Variants in SLC26A8 observed in about 807,000 individuals in gnomAD.
SLC26A8 encodes testis anion transporter 1.
SLC26A8 carries 70 observed loss-of-function variants against 105.0 expected under a neutral mutation model. The observed-to-expected ratio is 0.67, with a 90% CI of 0.55 to 0.81. The LOEUF (loss-of-function observed/expected upper bound fraction) is 0.81. Among genes scored for constraint, SLC26A8 ranks in the 40% least tolerant of loss-of-function variants. The pLI is 0.00. For missense variants in SLC26A8, 998 were observed against 1,181.8 expected, an observed-to-expected ratio of 0.84 and a Z score of 2.28; for synonymous variants, 415 against 438.3, an observed-to-expected ratio of 0.95 and a Z score of 0.66.
rs1330855990 is a variant in SLC26A8, at chr6:35,959,591, C to T, written c.1732G>A (p.Val578Ile). The T allele has an allele frequency of 6.2e-7, 1 of 1,612,020 alleles. No individual in the cohort carries two copies. The highest frequency in any genetic ancestry group is 1.3e-5 in the African/African-American group (1 of 74,706). ...YYLKHKLLKE[V>I]DMVKVPLKEE... is the part of the protein sequence containing the mutation. ...TTAAGAGGCACCTTTACCATATCAACCTGAAAGACATGAGAGGTCTCATCC... is the reference window on the plus strand; with the variant it reads ...TTAAGAGGCACCTTTACCATATCAATCTGAAAGACATGAGAGGTCTCATCC... Residue 578 changes from valine (V) to isoleucine (I), a missense_variant and splice_region_variant, in exon 16 of 20, where the codon GTT becomes ATT. Physicochemically the swap from Val to Ile is conservative, Grantham distance 29 (BLOSUM62 3). Coordinates refer to ENST00000490799, the MANE Select transcript of SLC26A8 (RefSeq NM_052961.4).
At chr6:36,016,839 A>G (rs939288333) in intron 2 of SLC26A8, among the ~76,000 whole-genome samples, 12 of 152,204 alleles carry the variant, frequency 7.9e-5, no homozygotes, top group Admixed American at 1.3e-4. Flanking sequence ...TTTAAAAGCT[A>G]AAACTATAAA....
intron 7 of SLC26A8, among the ~76,000 whole-genome samples, chr6:35,988,593 C>A (rs1404599040): frequency 6.6e-6 from 1 of 151,888 alleles, no homozygotes; most frequent in African/African-American, 2.4e-5. Flanking sequence ...CGAGATCATG[C>A]CACTGCACTC....
chr6:35,959,843 A>G (rs1158186877), intron 14 of SLC26A8, 37 bp from the exon 15 acceptor site: 3 of 1,436,302 alleles, frequency 2.1e-6, no homozygotes, highest in African/African-American at 2.8e-5. Flanking sequence ...GAAATTTCTC[A>G]GTTATTTTAT....
intron 2 of SLC26A8, among the ~76,000 whole-genome samples, chr6:36,015,742 G>C (rs190053275): frequency 7.4e-5 from 11 of 148,048 alleles, no homozygotes; most frequent in African/African-American, 2.9e-4. Flanking sequence ...TGAGAGGACT[G>C]GGGGGGATAT....
chr6:35,999,146 G>A (rs558047255), intron 4 of SLC26A8, among the ~76,000 whole-genome samples: 50 of 152,166 alleles, frequency 3.3e-4, no homozygotes, highest in Admixed American at 2.4e-3. Context: ...CACTTGCCTC[G>A]GCCTCCCAAA....
At chr6:35,951,682 G>C (rs751286863) in intron 17 of SLC26A8, among the ~76,000 whole-genome samples, 183 bp from the exon 18 acceptor site, 21 of 152,130 alleles carry the variant, frequency 1.4e-4, no homozygotes, top group Non-Finnish European at 2.8e-4. Context: ...AGGTTCAAGT[G>C]ATTTGTCCAC....
At chr6:35,999,958 A>T in intron 4 of SLC26A8, 34 bp downstream of exon 4, 2 of 1,395,278 alleles carry the variant, frequency 1.4e-6, no homozygotes, top group South Asian at 2.3e-5. Context: ...TGGAAACTTC[A>T]TCCACCGCAT....
At chr6:35,971,708 C>T (rs1177110101) in intron 10 of SLC26A8, among the ~76,000 whole-genome samples, 1 of 152,184 alleles carries the variant, frequency 6.6e-6, no homozygotes, top group Non-Finnish European at 1.5e-5. Context: ...CAGGTTCAAC[C>T]TCCCCTGACC....
Position 36,004,350 on chromosome 6 carries a change from A to G in SLC26A8, c.329-4242T>C, listed in dbSNP as rs369874784. ...CACAACCTCCCAAAGTGCTAGGATT[A>G]TAGGCATGAGCCATTGCACCTAAGC... On this transcript the variant is annotated intron_variant, in intron 3 of 19. Coordinates refer to ENST00000490799, the MANE Select transcript of SLC26A8 (RefSeq NM_052961.4). Among the ~76,000 whole-genome samples, 297 of 152,342 alleles carry G rather than the reference A, an allele frequency of 1.9e-3. 2 individuals are homozygous for G. Among genetic ancestry groups the G allele is most frequent in the African/African-American group, 6.9e-3 (285 of 41,586 alleles).
chr6:35,951,129 T>TC lies in SLC26A8; in HGVS notation c.2472+33dup, dbSNP rs775343668. The TC allele has an allele frequency of 6.3e-6, 10 of 1,582,832 alleles. No individual in the cohort carries two copies. The African/African-American group carries it at 1.4e-4, about 21-fold the overall frequency. On this transcript the variant is annotated intron_variant, in intron 19 of 19. Transcript: ENST00000490799. ...CATCCCCCCACTGCCCTCAATCCCT[T>TC]CCCCCAACCTCATGCTTTGTCGGTT...
At chr6:35,949,893 C>T (rs950792733) in intron 19 of SLC26A8, among the ~76,000 whole-genome samples, 2 of 151,904 alleles carry the variant, frequency 1.3e-5, no homozygotes, top group Non-Finnish European at 2.9e-5. Flanking sequence ...GCAACCTCTG[C>T]CTCCTGGGTT....
At chr6:35,983,675 C>A (rs1310644546) in intron 7 of SLC26A8, among the ~76,000 whole-genome samples, 1 of 152,086 alleles carries the variant, frequency 6.6e-6, no homozygotes, top group Non-Finnish European at 1.5e-5. Flanking sequence ...CCTCAGCTTC[C>A]TAAGTAGCTG....
chr6:35,977,478 G>A (rs929530082), intron 8 of SLC26A8, 127 bp from the exon 9 acceptor site: 13 of 1,041,514 alleles, frequency 1.2e-5, no homozygotes, highest in Non-Finnish European at 1.6e-5. Context: ...AGGGACAAGC[G>A]GAGTGATTGA....
intron 3 of SLC26A8, among the ~76,000 whole-genome samples, chr6:36,010,417 C>A (rs370545806): frequency 6.6e-6 from 1 of 151,628 alleles, no homozygotes; most frequent in Non-Finnish European, 1.5e-5. Flanking sequence ...TCAATGGTTG[C>A]TAGGGGTTAT....
chr6:35,944,178 C>G lies in SLC26A8; in HGVS notation c.2635G>C (p.Asp879His), dbSNP rs777648550. The G allele has an allele frequency of 1.2e-6, 2 of 1,614,110 alleles. No homozygotes were observed. The highest frequency in any genetic ancestry group is 2.2e-5 in the East Asian group (1 of 44,882). ...EAGLGLDLDLDRELEPEMEPK... is the reference protein window; with the variant it reads ...EAGLGLDLDLHRELEPEMEPK... ...TCCATTTCAGGCTCCAGCTCCCGAT[C>G]CAGGTCTAGGTCCAGACCCAGCCCA... The change falls in exon 20 of 20, where the codon GAT (aspartate) becomes CAT (histidine). Residue 879 changes from aspartate (D) to histidine (H), a missense_variant. Transcript: ENST00000490799.
rs751902033 is a variant in SLC26A8 at position 35,955,071 on chromosome 6, C to T, written c.2232+81G>A. 2.0e-5 allele frequency: 32 copies of T among 1,562,022 alleles called. No homozygotes were observed. In the African/African-American group the frequency reaches 3.4e-4, roughly 16 times the overall value. On this transcript the variant is annotated intron_variant, in intron 17 of 19. Transcript: ENST00000490799. The stretch of plus-strand genomic sequence containing the variant: ...CTCATAGCAGCTGATCAGTGACTAA[C>T]AGAATTCAATCAGGATCAGGGTGGG...
chr6:35,997,824 C>G lies in SLC26A8; in HGVS notation c.541G>C (p.Glu181Gln). 3.7e-6 allele frequency: 6 copies of G among 1,614,148 alleles called. No homozygotes were observed. The highest frequency in any genetic ancestry group is 5.1e-6 in the Non-Finnish European group (6 of 1,180,022). The change falls in exon 5 of 20, where the codon GAG (glutamate) becomes CAG (glutamine). Residue 181 changes from glutamate (E) to glutamine (Q), a missense_variant. Transcript: ENST00000490799. ...QLVMGSFVKN[E>Q]FSAPSYLMGY... ...ATAAGGTAGGAGGGGGCCGAAAACT[C>G]ATTCTTGACGAAAGATCCCATGACC...
intron 17 of SLC26A8, among the ~76,000 whole-genome samples, chr6:35,953,734 A>G (rs1771955756): frequency 2.0e-5 from 3 of 152,196 alleles, no homozygotes; most frequent in Non-Finnish European, 4.4e-5. Context: ...CTCATTTTGT[A>G]GATTAGGAAA....
chr6:35,985,004 G>A (rs1338452119), intron 7 of SLC26A8, among the ~76,000 whole-genome samples: 1 of 152,142 alleles, frequency 6.6e-6, no homozygotes, highest in Non-Finnish European at 1.5e-5. Flanking sequence ...GCTACTTGGA[G>A]GCTTCATTTG....
Sources: allele counts gnomAD v4.1 joint callset (sites outside exome capture counted in the v4.1 genomes callset), GRCh38; gene constraint gnomAD v4.1.1; transcripts MANE v1.5; gene names NCBI Gene and HGNC (gene_info 2026-07-23, HGNC 2026-07-21).